ANKRD62: variants seen among roughly 807,000 people sequenced by gnomAD.
The protein encoded by ANKRD62 is ankyrin repeat domain-containing protein 62.
ANKRD62 carries 61 observed loss-of-function variants against 98.8 expected under a neutral mutation model. The ratio of observed to expected loss-of-function variants is 0.62; its 90% CI spans 0.50 to 0.76. The LOEUF is 0.76. ANKRD62 is among the 30% of genes least tolerant of loss of function. The probability of loss-of-function intolerance (pLI) is 0.00; values close to 1 mark genes in which losing one functional copy is unlikely to be tolerated. For synonymous variants in ANKRD62, 341 were observed against 367.9 expected, an observed-to-expected ratio of 0.93 and a Z score of 0.84; for missense variants, 933 against 1,082.9, an observed-to-expected ratio of 0.86 and a Z score of 1.94.
intron 11 of ANKRD62, among the ~76,000 whole-genome samples, chr18:12,123,834 G>GTAAT (rs1909831419): frequency 6.6e-6 from 1 of 152,168 alleles, no homozygotes; most frequent in Non-Finnish European, 1.5e-5. Context: ...TGACTGAGGA[G>GTAAT]TAATTATTAC....
At position 12,095,519 on chromosome 18, in the gene ANKRD62, A is replaced by G. The variant is rs745868378; in HGVS notation, c.416A>G (p.Asn139Ser). The G allele has an allele frequency of 1.3e-6, 2 of 1,567,052 alleles. No homozygotes were observed. Among genetic ancestry groups the G allele is most frequent in the Non-Finnish European group, 1.7e-6 (2 of 1,162,320 alleles). ...CCAAATGTTAGAGATATGTATGGCA[A>G]CACTGCTCTGCACTATGCCATTGAT... ...ANPNVRDMYG[N>S]TALHYAIDNE... is the part of the protein sequence containing the mutation. Residue 139 changes from asparagine to serine, a missense_variant, in exon 3 of 14, where the codon AAC (asparagine) becomes AGC (serine). Coordinates refer to ENST00000587848, the MANE Select transcript of ANKRD62 (RefSeq NM_001277333.2).
chr18:12,095,489 C>T lies in ANKRD62; in HGVS notation c.386C>T (p.Ala129Val). 6.4e-7 allele frequency: 1 copy of T among 1,574,698 alleles called. No homozygotes were observed. Among genetic ancestry groups the T allele is most frequent in the South Asian group, 1.1e-5 (1 of 87,854 alleles). Residue 129 changes from alanine to valine, a missense_variant, in exon 3 of 14, where the codon GCC becomes GTC. Physicochemically the swap from Ala to Val is moderately conservative, Grantham distance 64. This residue lies in a region of ANKRD62 where 549 missense variants were observed against 587.9 expected (regional missense o/e 0.93). Coordinates refer to ENST00000587848, the MANE Select transcript of ANKRD62 (RefSeq NM_001277333.2). ...GCATCCATCCTGCTGGAACATGGCG[C>T]CAACCCAAATGTTAGAGATATGTAT... Reference protein sequence around the residue: ...VCASILLEHGANPNVRDMYGN... With the variant: ...VCASILLEHGVNPNVRDMYGN...
chr18:12,102,409 C>G, intron 6 of ANKRD62: 1 of 519,220 alleles, frequency 1.9e-6, no homozygotes, highest in Non-Finnish European at 3.7e-6. Context: ...CTGGGGTTCG[C>G]AGCAACAGAG....
chr18:12,133,230 T>C (rs2143941458), downstream of ANKRD62, among the ~76,000 whole-genome samples: 1 of 152,326 alleles, frequency 6.6e-6, no homozygotes, highest in South Asian at 2.1e-4. Context: ...CTCATCTATA[T>C]CATACAGCAT....
downstream of ANKRD62, among the ~76,000 whole-genome samples, chr18:12,132,780 TG>T (rs1358900073): frequency 1.3e-5 from 2 of 152,132 alleles, no homozygotes; most frequent in Non-Finnish European, 2.9e-5. Flanking sequence ...TTAATTGATT[TG>T]GGGGAGAAGG....
the ANKRD62 span, among the ~76,000 whole-genome samples, chr18:12,158,024 C>A: frequency 6.6e-6 from 1 of 152,158 alleles, no homozygotes; most frequent in Non-Finnish European, 1.5e-5. Context: ...AGTGTTGGCT[C>A]CCCCTTCCAG....
chr18:12,154,582 C>T, the ANKRD62 span, among the ~76,000 whole-genome samples: 48 of 152,134 alleles, frequency 3.2e-4, no homozygotes, highest in Non-Finnish European at 6.6e-4. Context: ...ACCCTAAAAG[C>T]AGAACTAGCA....
chr18:12,141,183 G>A, the ANKRD62 span, among the ~76,000 whole-genome samples: 4,490 of 152,324 alleles, frequency 0.029, 226 homozygotes, highest in African/African-American at 0.1. Flanking sequence ...CTGGTGTGCC[G>A]TTTGTTAAGC....
chr18:12,104,898 C>T (rs1463508628), intron 7 of ANKRD62, among the ~76,000 whole-genome samples: 1 of 152,064 alleles, frequency 6.6e-6, no homozygotes, highest in Non-Finnish European at 1.5e-5. Context: ...ATAAAGTATA[C>T]TGTGAAAATA....
In ANKRD62 at chr18:12,115,454, C is replaced by A; in HGVS notation, c.1160C>A (p.Thr387Asn). The A allele has an allele frequency of 6.5e-7, 1 of 1,537,082 alleles. No homozygotes were observed. The highest frequency in any genetic ancestry group is 8.7e-7 in the Non-Finnish European group (1 of 1,146,508). ...GACATAAGTGGGTCATCTGAAAAAA[C>A]CTCAGAGGATGATGAGTTGCCTTAC... is the stretch of plus-strand genomic sequence containing the variant. ...LNDISGSSEK[T>N]SEDDELPYSD... The change falls in exon 10 of 14, where the codon ACC becomes AAC. Residue 387 changes from threonine to asparagine, a missense_variant. By Grantham distance (65) the Thr-to-Asn change is moderately conservative. This residue lies in a region of ANKRD62 where 549 missense variants were observed against 587.9 expected (regional missense o/e 0.93). Transcript: ENST00000587848.
At chr18:12,114,776 G>A (rs9957303) in intron 8 of ANKRD62, among the ~76,000 whole-genome samples, 93,239 of 151,918 alleles carry the variant, frequency 0.61, 29,069 homozygotes, top group Middle Eastern at 0.76. Context: ...CCCAGGATAC[G>A]TATTTTTTTA....
At chr18:12,118,330 G>T (rs765921700) in intron 10 of ANKRD62, among the ~76,000 whole-genome samples, 1 of 152,138 alleles carries the variant, frequency 6.6e-6, no homozygotes, top group Non-Finnish European at 1.5e-5. Context: ...TTTTTAGGCC[G>T]GGCACGGTGG....
chr18:12,176,297 C>T, the ANKRD62 span, among the ~76,000 whole-genome samples: 8 of 149,860 alleles, frequency 5.3e-5, no homozygotes, highest in African/African-American at 1.5e-4. Flanking sequence ...AGAGATCTCT[C>T]AATGGACTAA....
intron 6 of ANKRD62, chr18:12,102,230 T>C (rs1598730951): frequency 1.3e-6 from 1 of 789,536 alleles, no homozygotes; most frequent in Non-Finnish European, 2.3e-6. Flanking sequence ...AATAAGCAGC[T>C]GGAAGCAGGC....
intron 8 of ANKRD62, among the ~76,000 whole-genome samples, chr18:12,114,867 A>G (rs2143917465): frequency 6.6e-6 from 1 of 152,170 alleles, no homozygotes; most frequent in East Asian, 1.9e-4. Flanking sequence ...TTTGATATTA[A>G]TATATTTCAT....
intron 8 of ANKRD62, among the ~76,000 whole-genome samples, chr18:12,113,268 C>T (rs536936333): frequency 6.6e-6 from 1 of 152,148 alleles, no homozygotes; most frequent in East Asian, 1.9e-4. Context: ...CTTCACTGAT[C>T]GTTAGAGAAA....
At chr18:12,136,024 C>T in the ANKRD62 span, among the ~76,000 whole-genome samples, 1 of 152,172 alleles carries the variant, frequency 6.6e-6, no homozygotes. Flanking sequence ...GTTTCTTTTG[C>T]TATGCAGAAG....
At position 12,097,712 on chromosome 18, in the gene ANKRD62, T is replaced by A; in HGVS notation, c.687T>A (p.Asp229Glu). Residue 229 changes from aspartate to glutamate, a missense_variant, in exon 5 of 14, where the codon GAT becomes GAA. Coordinates refer to ENST00000587848, the MANE Select transcript of ANKRD62 (RefSeq NM_001277333.2). The part of the protein sequence containing the change: ...VVYQLLQHNI[D>E]VFCQDISGWT... ...ACCAGCTTCTTCAGCACAATATTGA[T>A]GTCTTTTGCCAAGATATATCTGGAT... The A allele has an allele frequency of 2.6e-6, 4 of 1,536,132 alleles. No homozygotes were observed. The highest frequency in any genetic ancestry group is 3.5e-6 in the Non-Finnish European group (4 of 1,146,816).
chr18:12,096,237 A>AG lies in ANKRD62; in HGVS notation c.550dup (p.Glu184GlyfsTer19). 6.5e-7 allele frequency: 1 copy of AG among 1,537,144 alleles called. No homozygotes were observed. The highest frequency in any genetic ancestry group is 8.7e-7 in the Non-Finnish European group (1 of 1,146,424). On this transcript the variant is annotated frameshift_variant, in exon 4 of 14. Coordinates refer to ENST00000587848, the MANE Select transcript of ANKRD62 (RefSeq NM_001277333.2). LOFTEE classifies it high-confidence loss of function. ...TTTTACTCGCTGTAAATAGGAAAAA[A>AG]GAGCAAATGGTGGCATTTTTGTTGA...
Sources: allele counts gnomAD v4.1 joint callset (sites outside exome capture counted in the v4.1 genomes callset), GRCh38; gene constraint gnomAD v4.1.1; regional missense constraint gnomAD v4.1.1; transcripts MANE v1.5; gene names NCBI Gene and HGNC (gene_info 2026-07-23, HGNC 2026-07-21).